Variants in WSCD2 observed in about 807,000 individuals in gnomAD.
The protein encoded by WSCD2 is sialate:O-sulfotransferase 2.
In WSCD2, 28 loss-of-function variants were observed where a neutral mutation model predicts 55.7. The observed-to-expected ratio is 0.50, with a 90% CI of 0.37 to 0.69. The LOEUF is 0.69. Among genes scored for constraint, WSCD2 ranks in the 30% least tolerant of loss-of-function variants. WSCD2 has a pLI of 0.00. For missense variants in WSCD2, 616 were observed against 762.1 expected (o/e 0.81, Z 2.26); for synonymous variants, 301 against 301.9 (o/e 1.00, Z 0.03).
intron 8 of WSCD2, among the ~76,000 whole-genome samples, chr12:108,245,658 T>TC (rs1890033634): frequency 2.0e-5 from 3 of 152,186 alleles, no homozygotes; most frequent in Non-Finnish European, 4.4e-5. Context: ...CCTGGGCATC[T>TC]CCCCTGAGAG....
intron 1 of WSCD2, among the ~76,000 whole-genome samples, chr12:108,133,682 G>A (rs537754172): frequency 6.6e-6 from 1 of 152,326 alleles, no homozygotes; most frequent in African/African-American, 2.4e-5. Context: ...AGTGTTGGAT[G>A]ATGCGTGCTC....
intron 4 of WSCD2, among the ~76,000 whole-genome samples, chr12:108,214,627 C>A (rs1886617211): frequency 6.6e-6 from 1 of 152,274 alleles, no homozygotes; most frequent in East Asian, 1.9e-4. Flanking sequence ...AAGATTCTTG[C>A]AAGATTTGGG....
chr12:108,142,661 T>C (rs1876954961), intron 1 of WSCD2, among the ~76,000 whole-genome samples: 1 of 152,210 alleles, frequency 6.6e-6, no homozygotes, highest in Non-Finnish European at 1.5e-5. Context: ...ACTCTTTTAT[T>C]CTCAGGCATA....
chr12:108,154,815 T>TA (rs1320678673), intron 1 of WSCD2, among the ~76,000 whole-genome samples: 1 of 152,242 alleles, frequency 6.6e-6, no homozygotes, highest in African/African-American at 2.4e-5. Context: ...AATGAACTCA[T>TA]TATTTATTAT....
chr12:108,222,195 C>T (rs553370390), intron 4 of WSCD2, among the ~76,000 whole-genome samples: 7 of 152,132 alleles, frequency 4.6e-5, no homozygotes, highest in South Asian at 2.1e-4. Flanking sequence ...TGCTAAAAAA[C>T]GCTTTTACAC....
At chr12:108,144,877 A>G (rs1446766064) in intron 1 of WSCD2, among the ~76,000 whole-genome samples, 1 of 152,132 alleles carries the variant, frequency 6.6e-6, no homozygotes, top group African/African-American at 2.4e-5. Context: ...CTGAGAGGCA[A>G]AGAGACCTGC....
chr12:108,247,932 T>C, intron 8 of WSCD2, 59 bp from the exon 9 acceptor site: 1 of 1,553,214 alleles, frequency 6.4e-7, no homozygotes, highest in Non-Finnish European at 8.8e-7. Flanking sequence ...CAGCACCATC[T>C]GACTGGGTCT....
chr12:108,130,335 C>G (rs1875357795), intron 1 of WSCD2, among the ~76,000 whole-genome samples: 1 of 152,168 alleles, frequency 6.6e-6, no homozygotes, highest in African/African-American at 2.4e-5. Flanking sequence ...GTCATATTTC[C>G]AAGTTGGCTG....
intron 2 of WSCD2, among the ~76,000 whole-genome samples, chr12:108,204,983 T>G (rs1455527008): frequency 1.3e-5 from 2 of 152,218 alleles, no homozygotes; most frequent in Non-Finnish European, 2.9e-5. Flanking sequence ...AAGTGCTGGC[T>G]GGATCCCCGG....
At chr12:108,150,762 A>T (rs1037720809) in intron 1 of WSCD2, among the ~76,000 whole-genome samples, 2 of 152,134 alleles carry the variant, frequency 1.3e-5, no homozygotes, top group Non-Finnish European at 2.9e-5. Flanking sequence ...GCCCCCGCAC[A>T]CAAGTCCAGG....
chr12:108,208,509 TA>T, intron 3 of WSCD2, among the ~76,000 whole-genome samples: 2 of 152,166 alleles, frequency 1.3e-5, no homozygotes, highest in South Asian at 4.2e-4. Context: ...AGTGAGACCA[TA>T]AGCTGGGTTT....
At chr12:108,239,417 G>A (rs773697857) in intron 7 of WSCD2, among the ~76,000 whole-genome samples, 7 of 152,194 alleles carry the variant, frequency 4.6e-5, no homozygotes, top group Non-Finnish European at 1.0e-4. Context: ...CAGGCTGCAG[G>A]TTAGGACCAT....
intron 1 of WSCD2, among the ~76,000 whole-genome samples, chr12:108,194,436 T>C (rs924599529): frequency 2.6e-5 from 4 of 152,154 alleles, no homozygotes; most frequent in African/African-American, 9.7e-5. Flanking sequence ...AAAGAGACAC[T>C]GGTTAAGAGC....
At chr12:108,161,711 C>T (rs1179609112) in intron 1 of WSCD2, among the ~76,000 whole-genome samples, 1 of 152,324 alleles carries the variant, frequency 6.6e-6, no homozygotes, top group African/African-American at 2.4e-5. Flanking sequence ...CGGCACAAAG[C>T]GAGTGCTCAC....
In WSCD2 at chr12:108,224,794, C is replaced by T. The variant is rs1887898540; in HGVS notation, c.738C>T (p.Ala246=). The T allele has an allele frequency of 1.2e-6, 2 of 1,613,650 alleles. No individual in the cohort carries two copies. Among genetic ancestry groups the T allele is most frequent in the African/African-American group, 1.3e-5 (1 of 74,954 alleles). ...CFRRPDNLSL[A]LPVTAAMLNM... Reference sequence around the variant, plus strand: ...GCAGGCCCGACAACCTTTCCCTGGCCTTACCCGTGACAGCTGCCATGCTGA... The same window carrying T: ...GCAGGCCCGACAACCTTTCCCTGGCTTTACCCGTGACAGCTGCCATGCTGA... The change falls in exon 5 of 9, where the codon GCC becomes GCT. Residue 246 remains alanine (A), a synonymous_variant. Transcript: ENST00000547525.
chr12:108,238,474 G>T (rs1889441089), intron 7 of WSCD2, among the ~76,000 whole-genome samples: 1 of 152,180 alleles, frequency 6.6e-6, no homozygotes, highest in East Asian at 1.9e-4. Context: ...CATCTTAAAA[G>T]CCAGAGCACA....
chr12:108,193,587 C>T (rs925089305), intron 1 of WSCD2, among the ~76,000 whole-genome samples: 65 of 138,642 alleles, frequency 4.7e-4, no homozygotes, highest in Admixed American at 1.0e-3. Flanking sequence ...GGTGAACTGC[C>T]GGAAGGCAAA....
chr12:108,176,335 C>T (rs1445476637), intron 1 of WSCD2, among the ~76,000 whole-genome samples: 7 of 152,162 alleles, frequency 4.6e-5, no homozygotes, highest in East Asian at 1.9e-4. Context: ...TTTCATCTCT[C>T]GCCCCTGACA....
Position 108,250,201 on chromosome 12 carries a change from TGAGAGAGAGA to T in WSCD2, c.*1867_*1876del, listed in dbSNP as rs895683674. On this transcript the variant is annotated 3_prime_UTR_variant, in exon 9 of 9. Coordinates refer to ENST00000547525, the MANE Select transcript of WSCD2 (RefSeq NM_014653.4). Reference sequence around the variant, plus strand: ...GTGTGTGTGTGTGTGTGTGTGTGTATGAGAGAGAGAGAGAGAGACAACAGAGACAGAGAGA... The same window carrying T: ...GTGTGTGTGTGTGTGTGTGTGTGTATGAGAGAGACAACAGAGACAGAGAGA... 6.7e-6 allele frequency: 1 copy of T among 148,926 alleles called. No homozygotes were observed. Among genetic ancestry groups the T allele is most frequent in the Non-Finnish European group, 1.5e-5 (1 of 67,028 alleles). 9.2% of individuals were successfully genotyped at this position (148,926 alleles called of 1,614,324 possible).
Sources: gnomAD v4.1 joint callset for allele counts (sites outside exome capture counted in the v4.1 genomes callset) on GRCh38, gnomAD v4.1.1 for gene constraint, MANE v1.5 for transcripts, NCBI Gene and HGNC (gene_info 2026-07-23, HGNC 2026-07-21) for gene names.